Variants in SAMD12 observed in about 807,000 individuals in gnomAD.
The protein encoded by SAMD12 is sterile alpha motif domain-containing protein 12.
In SAMD12, 9 loss-of-function variants were observed where a neutral mutation model predicts 15.0. That is an observed-to-expected ratio of 0.60 (90% CI 0.36 to 1.05). The LOEUF (loss-of-function observed/expected upper bound fraction) is 1.05, where lower values mean the gene tolerates loss of function less well. SAMD12 is among the 50% of genes least tolerant of loss of function. The probability of loss-of-function intolerance (pLI) is 0.01; values close to 1 mark genes in which losing one functional copy is unlikely to be tolerated. For synonymous variants in SAMD12, 86 were observed against 90.1 expected (o/e 0.96, Z 0.25); for missense variants, 230 against 234.2 (o/e 0.98, Z 0.12).
At chr8:118,418,831 C>T (rs1427015114) in intron 3 of SAMD12, among the ~76,000 whole-genome samples, 1 of 152,088 alleles carries the variant, frequency 6.6e-6, no homozygotes, top group African/African-American at 2.4e-5. Context: ...AATACATGAT[C>T]AAAGAAAAAC....
chr8:118,532,915 G>A (rs1825731017), intron 2 of SAMD12, among the ~76,000 whole-genome samples: 2 of 151,942 alleles, frequency 1.3e-5, no homozygotes, highest in Non-Finnish European at 2.9e-5. Flanking sequence ...ATTTTTTGAA[G>A]GGTTTTTTGT....
chr8:118,569,612 G>A (rs1209149791), intron 2 of SAMD12, among the ~76,000 whole-genome samples: 1 of 152,140 alleles, frequency 6.6e-6, no homozygotes, highest in African/African-American at 2.4e-5. Context: ...ATGTCAATGA[G>A]GGTGGAGGGC....
chr8:118,614,076 C>G (rs1828173597), intron 1 of SAMD12, among the ~76,000 whole-genome samples: 1 of 152,152 alleles, frequency 6.6e-6, no homozygotes, highest in African/African-American at 2.4e-5. Flanking sequence ...CCTACATTCC[C>G]TCATTGAGCA....
intron 2 of SAMD12, among the ~76,000 whole-genome samples, chr8:118,566,465 G>GTAGA (rs1300355815): frequency 7.9e-5 from 12 of 152,132 alleles, no homozygotes. Context: ...CCCCGTGAAG[G>GTAGA]TAGAACTCAC....
intron 4 of SAMD12, among the ~76,000 whole-genome samples, chr8:118,355,214 A>G (rs926507266): frequency 1.3e-5 from 2 of 152,258 alleles, no homozygotes; most frequent in African/African-American, 4.8e-5. Context: ...TCAGCCATAA[A>G]AAGGAATGAA....
chr8:118,438,395 T>C (rs1016682881), intron 3 of SAMD12, among the ~76,000 whole-genome samples: 1 of 144,828 alleles, frequency 6.9e-6, no homozygotes, highest in Non-Finnish European at 1.5e-5. Context: ...TTTTAAAACA[T>C]TTAGTGCTTA....
At chr8:118,543,251 C>T (rs574221630) in intron 2 of SAMD12, among the ~76,000 whole-genome samples, 57 of 152,200 alleles carry the variant, frequency 3.7e-4, no homozygotes, top group African/African-American at 1.3e-3. Flanking sequence ...TGCACTTAGT[C>T]CTAAACCCAC....
intron 4 of SAMD12, among the ~76,000 whole-genome samples, chr8:118,233,622 T>A (rs573993418): frequency 6.6e-6 from 1 of 152,276 alleles, no homozygotes; most frequent in East Asian, 1.9e-4. Context: ...AGTGTCTGGC[T>A]TTTAGGAGAA....
chr8:118,489,624 C>T (rs1824384139), intron 2 of SAMD12, among the ~76,000 whole-genome samples: 1 of 152,156 alleles, frequency 6.6e-6, no homozygotes, highest in African/African-American at 2.4e-5. Flanking sequence ...AAAATCCTTC[C>T]TATCAGGATG....
intron 3 of SAMD12, among the ~76,000 whole-genome samples, chr8:118,403,767 G>A (rs993303367): frequency 4.6e-5 from 7 of 152,168 alleles, no homozygotes; most frequent in Admixed American, 2.6e-4. Context: ...AAGTGCACCA[G>A]AGAAATAAAT....
intron 2 of SAMD12, among the ~76,000 whole-genome samples, chr8:118,481,220 G>A (rs1205081901): frequency 6.6e-6 from 1 of 152,130 alleles, no homozygotes; most frequent in Non-Finnish European, 1.5e-5. Flanking sequence ...CTCCCAAAGT[G>A]CTAAGATTAC....
chr8:118,218,674 C>A (rs1051362272), intron 4 of SAMD12, among the ~76,000 whole-genome samples: 2 of 152,154 alleles, frequency 1.3e-5, no homozygotes, highest in Admixed American at 1.3e-4. Flanking sequence ...ACTCCAGGTT[C>A]ATCTATGTTA....
chr8:118,598,002 C>T (rs555817642), intron 1 of SAMD12, among the ~76,000 whole-genome samples: 2 of 152,282 alleles, frequency 1.3e-5, no homozygotes, highest in African/African-American at 2.4e-5. Flanking sequence ...AATAGGATGC[C>T]TCTTCTGTGT....
chr8:118,509,037 G>A (rs1202867180), intron 2 of SAMD12, among the ~76,000 whole-genome samples: 1 of 152,122 alleles, frequency 6.6e-6, no homozygotes, highest in African/African-American at 2.4e-5. Context: ...GGAGGCAAGA[G>A]GATGATAAAA....
At chr8:118,508,257 G>C (rs1824978979) in intron 2 of SAMD12, among the ~76,000 whole-genome samples, 1 of 151,574 alleles carries the variant, frequency 6.6e-6, no homozygotes. Context: ...GGGAGGGATA[G>C]CATTAGGAGA....
chr8:118,568,603 A>G lies in SAMD12; in HGVS notation c.192+12112T>C, dbSNP rs114251918. On this transcript the variant is annotated intron_variant, in intron 2 of 3. Coordinates refer to ENST00000314727, the MANE Select transcript of SAMD12 (RefSeq NM_207506.3). ...AGTGAGAAAAACAAAATTGAGCCTG[A>G]TTTTGAGAATTTAAAAAAATCACCT... Among the ~76,000 whole-genome samples, 928 of 152,302 alleles carry G rather than the reference A, an allele frequency of 6.1e-3. 10 individuals carry two copies. Among genetic ancestry groups the G allele is most frequent in the African/African-American group, 0.021 (893 of 41,566 alleles).
intron 2 of SAMD12, among the ~76,000 whole-genome samples, chr8:118,480,413 G>C (rs1824092982): frequency 6.6e-6 from 1 of 152,180 alleles, no homozygotes; most frequent in Non-Finnish European, 1.5e-5. Flanking sequence ...AAATATTGTA[G>C]TGTAAGTTGA....
At chr8:118,135,170 C>T in the SAMD12 span, among the ~76,000 whole-genome samples, 1 of 152,084 alleles carries the variant, frequency 6.6e-6, no homozygotes, top group Non-Finnish European at 1.5e-5. Context: ...AACAGTTTAT[C>T]AGGTAGTGTT....
At chr8:118,348,518 C>T (rs985850542) in intron 4 of SAMD12, among the ~76,000 whole-genome samples, 2 of 152,176 alleles carry the variant, frequency 1.3e-5, no homozygotes, top group South Asian at 2.1e-4. Flanking sequence ...ACTACAGGCG[C>T]CTGCCACCAC....
Sources: allele counts gnomAD v4.1 joint callset (sites outside exome capture counted in the v4.1 genomes callset), GRCh38; gene constraint gnomAD v4.1.1; transcripts MANE v1.5; gene names NCBI Gene and HGNC (gene_info 2026-07-23, HGNC 2026-07-21).